Variants in REL observed in about 807,000 individuals in gnomAD.
The protein encoded by REL is proto-oncogene c-Rel.
REL carries 15 observed loss-of-function variants against 45.9 expected under a neutral mutation model. That is an observed-to-expected ratio of 0.33 (90% CI 0.22 to 0.50). REL has a LOEUF of 0.50. Ranked by LOEUF, REL falls within the 20% of genes least tolerant of loss-of-function variation. The probability of loss-of-function intolerance (pLI) is 0.98; values close to 1 mark genes in which losing one functional copy is unlikely to be tolerated. For synonymous variants in REL, 239 were observed against 242.1 expected (o/e 0.99, Z 0.12); for missense variants, 601 against 715.2 (o/e 0.84, Z 1.82).
At position 60,883,010 on chromosome 2, in the gene REL, G is replaced by A. The variant is rs183044063; in HGVS notation, c.10+1160G>A. Among the ~76,000 whole-genome samples, 50 of 152,256 alleles carry A rather than the reference G, an allele frequency of 3.3e-4. 1 individual carries two copies. The Middle Eastern group carries it at 0.017, about 52-fold the overall frequency. ...GAGGGGGACGGGAGAGCCGGGGCGG[G>A]GGGATAAATCAAGTAGCCTGGGGTC... On this transcript the variant is annotated intron_variant, in intron 1 of 9. Coordinates refer to ENST00000394479, the MANE Select transcript of REL (RefSeq NM_001291746.2).
At chr2:60,904,869 G>T (rs1412824192) in intron 4 of REL, among the ~76,000 whole-genome samples, 1 of 152,142 alleles carries the variant, frequency 6.6e-6, no homozygotes, top group East Asian at 1.9e-4. Context: ...CAGCCTGAGC[G>T]ACGGAACAAG....
intron 1 of REL, among the ~76,000 whole-genome samples, chr2:60,886,651 T>C (rs1178498185): frequency 6.6e-6 from 1 of 152,160 alleles, no homozygotes; most frequent in African/African-American, 2.4e-5. Flanking sequence ...CTTTTTTTTC[T>C]GTATACTTGA....
rs1005576398 is a variant in REL at position 60,922,776 on chromosome 2, G to A, written c.*241G>A. On this transcript the variant is annotated 3_prime_UTR_variant, in exon 10 of 10. Transcript: ENST00000394479. ...GACAACTCAGAGGCCAGGCGCAGGG[G>A]CTCACACCTGTAATCCTAGCACTTT... The A allele has an allele frequency of 5.5e-6, 6 of 1,097,660 alleles. No homozygotes were observed. The highest frequency in any genetic ancestry group is 6.7e-6 in the Non-Finnish European group (6 of 898,232). 68.0% of individuals were successfully genotyped at this position (1,097,660 alleles called of 1,614,324 possible). A position where few individuals can be genotyped will look rare whatever the true frequency, so the allele number is the denominator to read the frequency against.
intron 4 of REL, among the ~76,000 whole-genome samples, chr2:60,905,080 G>T (rs1673605376): frequency 1.3e-5 from 2 of 152,022 alleles, no homozygotes; most frequent in Admixed American, 6.6e-5. Context: ...TATGTTTCCT[G>T]TTGTTGTTTA....
intron 4 of REL, among the ~76,000 whole-genome samples, chr2:60,903,408 G>C (rs1334203387): frequency 6.6e-6 from 1 of 152,012 alleles, no homozygotes; most frequent in African/African-American, 2.4e-5. Flanking sequence ...CTTGTTTTTT[G>C]AGATGCCCGG....
intron 1 of REL, among the ~76,000 whole-genome samples, chr2:60,891,415 T>C (rs1423633023): frequency 6.6e-6 from 1 of 152,184 alleles, no homozygotes; most frequent in Non-Finnish European, 1.5e-5. Context: ...ATATTGACGT[T>C]AGCTATAGAT....
At chr2:60,905,783 G>A (rs545829778) in intron 4 of REL, among the ~76,000 whole-genome samples, 5 of 152,224 alleles carry the variant, frequency 3.3e-5, no homozygotes, top group South Asian at 2.1e-4. Context: ...TGAAAGACAG[G>A]TGTGCTGGGA....
Position 60,922,148 on chromosome 2 carries a change from G to C in REL, c.1377G>C (p.Leu459=). ...DLYGISDPNM[L]SNCSVNMMTT... ...ATGGTATTTCTGATCCCAACATGCT[G>C]TCTAATTGTTCTGTGAATATGATGA... is the stretch of plus-strand genomic sequence containing the variant. Residue 459 remains leucine, a synonymous_variant, in exon 10 of 10, where the codon CTG becomes CTC. Coordinates refer to ENST00000394479, the MANE Select transcript of REL (RefSeq NM_001291746.2). 1 of 1,614,140 alleles carries C rather than the reference G, an allele frequency of 6.2e-7. No individual in the cohort carries two copies. Among genetic ancestry groups the C allele is most frequent in the East Asian group, 2.2e-5 (1 of 44,888 alleles).
rs1673481090 is a variant in REL at position 60,901,083 on chromosome 2, G to A, written c.394G>A (p.Val132Ile). The change falls in exon 4 of 10, where the codon GTC becomes ATC. Residue 132 changes from valine (V) to isoleucine (I), a missense_variant and splice_region_variant. Val to Ile is a conservative substitution (Grantham distance 29, BLOSUM62 3). Coordinates refer to ENST00000394479, the MANE Select transcript of REL (RefSeq NM_001291746.2). ...RIKAGINPFNVPEKQLNDIED... is the reference protein window; with the variant it reads ...RIKAGINPFNIPEKQLNDIED... ...AAAGGCAGGAATCAATCCATTCAAT[G>A]GTAAGTATGTTTGATAAAATCATTT... The A allele has an allele frequency of 1.3e-6, 2 of 1,577,342 alleles. No individual in the cohort carries two copies. The highest frequency in any genetic ancestry group is 1.7e-6 in the Non-Finnish European group (2 of 1,166,364).
chr2:60,885,880 A>G (rs1335597582), intron 1 of REL, among the ~76,000 whole-genome samples: 1 of 152,200 alleles, frequency 6.6e-6, no homozygotes, highest in Non-Finnish European at 1.5e-5. Flanking sequence ...TTTGTGTTGT[A>G]AATTATTTAC....
chr2:60,889,858 T>G (rs991928861), intron 1 of REL, among the ~76,000 whole-genome samples: 2 of 152,248 alleles, frequency 1.3e-5, no homozygotes, highest in Non-Finnish European at 1.5e-5. Context: ...TTGTTGGACA[T>G]TTGGGTTGGT....
intron 4 of REL, among the ~76,000 whole-genome samples, chr2:60,910,666 A>G (rs1196134391): frequency 6.6e-6 from 1 of 151,254 alleles, no homozygotes; most frequent in Non-Finnish European, 1.5e-5. Context: ...AGGCACGGCC[A>G]CTCACACCTG....
intron 4 of REL, among the ~76,000 whole-genome samples, chr2:60,908,808 G>A (rs1276761121): frequency 6.6e-6 from 1 of 152,150 alleles, no homozygotes; most frequent in Non-Finnish European, 1.5e-5. Context: ...AGAATCTTGA[G>A]TTGTTATGAG....
intron 8 of REL, 92 bp downstream of exon 8, chr2:60,920,201 T>C (rs934086198): frequency 1.2e-5 from 13 of 1,093,732 alleles, no homozygotes; most frequent in Non-Finnish European, 1.6e-5. Flanking sequence ...TGTTTTGTTT[T>C]GTTGTTTGTT....
Position 60,881,714 on chromosome 2 carries a change from C to T in REL, c.-127C>T. On this transcript the variant is annotated 5_prime_UTR_variant, in exon 1 of 10. Transcript: ENST00000394479. ...CGGAGGGCGGGAAGAAGGAGGAGGCCTCTAGGGTGGTCGGGGGACTGGGGG... is the reference window on the plus strand; with the variant it reads ...CGGAGGGCGGGAAGAAGGAGGAGGCTTCTAGGGTGGTCGGGGGACTGGGGG... The T allele has an allele frequency of 1.4e-6, 1 of 738,628 alleles. No homozygotes were observed. Among genetic ancestry groups the T allele is most frequent in the Admixed American group, 2.4e-5 (1 of 41,228 alleles). The allele number at this position is 738,628 out of a possible 1,614,324, so 45.8% of individuals were successfully genotyped here.
At chr2:60,914,953 T>G (rs1481944257) in intron 4 of REL, among the ~76,000 whole-genome samples, 1 of 150,686 alleles carries the variant, frequency 6.6e-6, no homozygotes, top group Non-Finnish European at 1.5e-5. Context: ...TGCCTCAGCC[T>G]CCCAAGTAGC....
chr2:60,915,393 T>G (rs1352092953), intron 4 of REL, among the ~76,000 whole-genome samples: 1 of 152,224 alleles, frequency 6.6e-6, no homozygotes, highest in Non-Finnish European at 1.5e-5. Context: ...TAGAGTATGC[T>G]GCTGTAACAC....
Position 60,922,645 on chromosome 2 carries a change from T to C in REL, c.*110T>C. The C allele has an allele frequency of 2.2e-6, 3 of 1,367,210 alleles. No homozygotes were observed. Among genetic ancestry groups the C allele is most frequent in the Non-Finnish European group, 2.8e-6 (3 of 1,055,560 alleles). The allele number at this position is 1,367,210 out of a possible 1,614,324, so 84.7% of individuals were successfully genotyped here. ...TATATTTATACTGTATATATAATAC[T>C]GACTGAGAATATAATACTGTATTTG... On this transcript the variant is annotated 3_prime_UTR_variant, in exon 10 of 10. Coordinates refer to ENST00000394479, the MANE Select transcript of REL (RefSeq NM_001291746.2).
chr2:60,901,395 C>G (rs566186759), intron 4 of REL, among the ~76,000 whole-genome samples: 1 of 152,222 alleles, frequency 6.6e-6, no homozygotes, highest in South Asian at 2.1e-4. Context: ...CTCCTGACAT[C>G]AGGTGATCTA....
Sources: gnomAD v4.1 joint callset for allele counts (sites outside exome capture counted in the v4.1 genomes callset) on GRCh38, gnomAD v4.1.1 for gene constraint, MANE v1.5 for transcripts, NCBI Gene and HGNC (gene_info 2026-07-23, HGNC 2026-07-21) for gene names.